The following VMP1 variants were observed in gnomAD, a reference collection of about 807,000 sequenced individuals.
VMP1 encodes ectopic P-granules autophagy protein 3 homolog.
In VMP1, 11 loss-of-function variants were observed where a neutral mutation model predicts 56.0. The observed-to-expected ratio is 0.20, with a 90% CI of 0.12 to 0.32. The LOEUF is 0.32. Among genes scored for constraint, VMP1 ranks in the 10% least tolerant of loss-of-function variants. The probability of loss-of-function intolerance (pLI) is 1.00; values close to 1 mark genes in which losing one functional copy is unlikely to be tolerated. For missense variants in VMP1, 296 were observed against 490.3 expected, an observed-to-expected ratio of 0.60 and a Z score of 3.74; for synonymous variants, 149 against 165.0, an observed-to-expected ratio of 0.90 and a Z score of 0.74.
At chr17:59,809,931 G>A (rs1292733570) in intron 8 of VMP1, among the ~76,000 whole-genome samples, 2 of 152,036 alleles carry the variant, frequency 1.3e-5, no homozygotes, top group African/African-American at 2.4e-5. Flanking sequence ...AAGAATAAAA[G>A]AGACAAAATC....
chr17:59,805,805 A>G (rs1375602479), intron 7 of VMP1, among the ~76,000 whole-genome samples: 2 of 152,136 alleles, frequency 1.3e-5, no homozygotes, highest in African/African-American at 4.8e-5. Flanking sequence ...ATTAATGCTG[A>G]TAGAAAAATA....
At chr17:59,816,974 G>GA (rs1227434549) in intron 9 of VMP1, among the ~76,000 whole-genome samples, 1,227 of 105,388 alleles carry the variant, frequency 0.012, 10 homozygotes, top group African/African-American at 0.036. Flanking sequence ...AAGAAAGAAA[G>GA]AAAAAAAAAA....
At chr17:59,791,422 C>T (rs2037223384) in intron 7 of VMP1, among the ~76,000 whole-genome samples, 1 of 151,414 alleles carries the variant, frequency 6.6e-6, no homozygotes. Flanking sequence ...AACTCCTGAC[C>T]TCAGGCGATC....
chr17:59,797,433 G>A (rs1280537394), intron 7 of VMP1, among the ~76,000 whole-genome samples: 2 of 151,902 alleles, frequency 1.3e-5, no homozygotes, highest in East Asian at 3.9e-4. Flanking sequence ...AGAATAAATT[G>A]TGATATACCT....
rs1387515042 is a variant in VMP1, at chr17:59,708,391, G to A, written c.-27+643G>A. Among the ~76,000 whole-genome samples, 7 of 150,052 alleles carry A rather than the reference G, an allele frequency of 4.7e-5. No homozygotes were observed. In the East Asian group the frequency reaches 1.2e-3, roughly 25 times the overall value. On this transcript the variant is annotated intron_variant, in intron 1 of 11. Transcript: ENST00000262291. ...ACAGTGGAGGTATTTGCAGTAAAAC[G>A]TGAAGGTCGACTTAATCTCTAAAAT... is the stretch of plus-strand genomic sequence containing the variant.
intron 5 of VMP1, 94 bp downstream of exon 5, chr17:59,739,041 T>C: frequency 1.0e-6 from 1 of 983,904 alleles, no homozygotes; most frequent in South Asian, 1.8e-5. Flanking sequence ...AGATTTGTTT[T>C]AATTACCTTT....
intron 9 of VMP1, among the ~76,000 whole-genome samples, chr17:59,817,004 C>T (rs1246598092): frequency 2.1e-5 from 3 of 143,580 alleles, no homozygotes; most frequent in Non-Finnish European, 4.5e-5. Context: ...CGCAATGGCT[C>T]ATGCCTGTAA....
At chr17:59,715,240 G>A (rs1055618668) in intron 1 of VMP1, among the ~76,000 whole-genome samples, 1 of 152,076 alleles carries the variant, frequency 6.6e-6, no homozygotes, top group Non-Finnish European at 1.5e-5. Flanking sequence ...GGATTTATTA[G>A]TGTGTTTTCA....
intron 1 of VMP1, among the ~76,000 whole-genome samples, chr17:59,714,438 G>T (rs2034069554): frequency 6.6e-6 from 1 of 151,928 alleles, no homozygotes; most frequent in Non-Finnish European, 1.5e-5. Context: ...CCACATTAGG[G>T]GTTAAATTTT....
chr17:59,717,523 C>T (rs1489081158), intron 1 of VMP1, among the ~76,000 whole-genome samples: 1 of 152,060 alleles, frequency 6.6e-6, no homozygotes, highest in Admixed American at 6.6e-5. Flanking sequence ...GCTGGGACTA[C>T]AGGCCTGCAC....
At chr17:59,717,770 A>C (rs1020074229) in intron 1 of VMP1, among the ~76,000 whole-genome samples, 2 of 152,126 alleles carry the variant, frequency 1.3e-5, no homozygotes, top group Non-Finnish European at 2.9e-5. Context: ...AAACACAAAA[A>C]TTAGCTAGGC....
intron 7 of VMP1, among the ~76,000 whole-genome samples, chr17:59,799,892 G>A (rs550458934): frequency 1.3e-3 from 201 of 150,100 alleles, no homozygotes; most frequent in African/African-American, 4.7e-3. Flanking sequence ...GAACCCGGGA[G>A]GCGGAGGTTA....
rs1281935777 is a variant in VMP1 at position 59,839,915 on chromosome 17, G to A, written c.*4G>A. The A allele has an allele frequency of 1.2e-6, 2 of 1,610,118 alleles. No homozygotes were observed. The highest frequency in any genetic ancestry group is 3.4e-5 in the Admixed American group (2 of 58,390). On this transcript the variant is annotated 3_prime_UTR_variant, in exon 12 of 12. Transcript: ENST00000262291. ...CTCAGAGGAGAAAACTAAATAAGTA[G>A]AGAAAGTTTTAAACTGCAGAAATTG...
chr17:59,817,888 C>G (rs1295232773), intron 10 of VMP1, 115 bp downstream of exon 10: 10 of 693,112 alleles, frequency 1.4e-5, no homozygotes, highest in Non-Finnish European at 2.2e-5. Flanking sequence ...TTTTGAGGAG[C>G]AAAAATAACT....
At chr17:59,799,945 CAAAAAAAAA>C (rs11288012) in intron 7 of VMP1, among the ~76,000 whole-genome samples, 1 of 110,340 alleles carries the variant, frequency 9.1e-6, no homozygotes. Context: ...GACTTCCTCT[CAAAAAAAAA>C]AAAAAAAAGG....
intron 7 of VMP1, among the ~76,000 whole-genome samples, chr17:59,807,603 C>A (rs1258890689): frequency 1.3e-5 from 2 of 151,836 alleles, no homozygotes; most frequent in Admixed American, 1.3e-4. Flanking sequence ...GAGGCCGAGG[C>A]GAGCTGATCA....
chr17:59,800,878 G>A (rs993203562), intron 7 of VMP1, among the ~76,000 whole-genome samples: 3 of 151,980 alleles, frequency 2.0e-5, no homozygotes, highest in East Asian at 1.9e-4. Flanking sequence ...TCAGGAGTTC[G>A]AGACCAGCCT....
At chr17:59,799,852 A>G (rs150664176) in intron 7 of VMP1, among the ~76,000 whole-genome samples, 5,553 of 151,156 alleles carry the variant, frequency 0.037, 372 homozygotes, top group African/African-American at 0.13. Flanking sequence ...AGTCCCAGCT[A>G]CTCGGGAGGC....
chr17:59,832,886 C>A (rs747752266), intron 10 of VMP1, among the ~76,000 whole-genome samples: 1 of 150,176 alleles, frequency 6.7e-6, no homozygotes, highest in Non-Finnish European at 1.5e-5. Flanking sequence ...GCTGTGATTA[C>A]AGGCATGAAC....
Sources: gnomAD v4.1 joint callset for allele counts (sites outside exome capture counted in the v4.1 genomes callset) on GRCh38, gnomAD v4.1.1 for gene constraint, MANE v1.5 for transcripts, NCBI Gene and HGNC (gene_info 2026-07-23, HGNC 2026-07-21) for gene names.